Variants in DLG2 observed in about 807,000 individuals in gnomAD.
DLG2 encodes the protein disks large homolog 2.
DLG2 carries 45 observed loss-of-function variants against 132.5 expected under a neutral mutation model. The ratio of observed to expected loss-of-function variants is 0.34; its 90% CI spans 0.27 to 0.44. The LOEUF is 0.44. DLG2 is among the 20% of genes least tolerant of loss of function. DLG2 has a pLI of 1.00. For synonymous variants in DLG2, 424 were observed against 419.6 expected (o/e 1.01, Z -0.13); for missense variants, 1,045 against 1,196.9 (o/e 0.87, Z 1.87).
At chr11:83,669,806 A>G (rs2076531400) in intron 18 of DLG2, among the ~76,000 whole-genome samples, 1 of 152,232 alleles carries the variant, frequency 6.6e-6, no homozygotes, top group African/African-American at 2.4e-5. Context: ...CTAAACATAA[A>G]GTAAGCACTA....
In DLG2 at chr11:84,696,992, A is replaced by G. The variant is rs554806974; in HGVS notation, c.358-162261T>C. 2.0e-5 allele frequency among the ~76,000 whole-genome samples: 3 copies of G among 151,536 alleles called. No individual in the cohort carries two copies. In the South Asian group the frequency reaches 6.2e-4, roughly 31 times the overall value. The stretch of plus-strand genomic sequence containing the variant: ...ATATTAAAGAGATTGACTCAGGAGA[A>G]CTAGGTACCTCAGTAGACTTTGGGG... On this transcript the variant is annotated intron_variant, in intron 6 of 27. Coordinates refer to ENST00000376104, the MANE Select transcript of DLG2 (RefSeq NM_001142699.3).
intron 6 of DLG2, among the ~76,000 whole-genome samples, chr11:84,776,499 A>C (rs1347624069): frequency 6.6e-6 from 1 of 152,146 alleles, no homozygotes; most frequent in African/African-American, 2.4e-5. Flanking sequence ...TCACTGCTAC[A>C]GGCAATCGAG....
intron 3 of DLG2, among the ~76,000 whole-genome samples, chr11:85,483,756 C>T (rs551176549): frequency 1.3e-5 from 2 of 151,820 alleles, no homozygotes; most frequent in Non-Finnish European, 2.9e-5. Flanking sequence ...CCAGCCTGGC[C>T]AACATGGTGA....
At chr11:85,132,627 G>T (rs1275257461) in intron 5 of DLG2, 1 of 400,062 alleles carries the variant, frequency 2.5e-6, no homozygotes, top group Non-Finnish European at 5.2e-6. Context: ...GACCCTCAGG[G>T]AACAAAATGC....
At chr11:84,678,926 A>C (rs916983181) in intron 6 of DLG2, among the ~76,000 whole-genome samples, 1 of 152,028 alleles carries the variant, frequency 6.6e-6, no homozygotes, top group Non-Finnish European at 1.5e-5. Flanking sequence ...AGTGTTAAAC[A>C]AGATAATGTA....
At chr11:84,899,514 A>AAC (rs1324932310) in intron 6 of DLG2, among the ~76,000 whole-genome samples, 3 of 152,054 alleles carry the variant, frequency 2.0e-5, no homozygotes, top group Non-Finnish European at 4.4e-5. Context: ...AAAAACACGT[A>AAC]ACATTTTTCT....
intron 19 of DLG2, chr11:83,631,927 C>T (rs2063633652): frequency 6.6e-6 from 1 of 152,156 alleles, no homozygotes; most frequent in Non-Finnish European, 1.5e-5. Flanking sequence ...ACAAATGGAG[C>T]TTGTTAACTT....
chr11:85,507,713 T>G (rs1003580638), intron 3 of DLG2, among the ~76,000 whole-genome samples: 1 of 152,136 alleles, frequency 6.6e-6, no homozygotes, highest in African/African-American at 2.4e-5. Flanking sequence ...AGGAGTATCT[T>G]TGTGGTGTTC....
At chr11:84,982,191 A>G (rs1483520411) in intron 6 of DLG2, among the ~76,000 whole-genome samples, 1 of 149,252 alleles carries the variant, frequency 6.7e-6, no homozygotes, top group African/African-American at 2.5e-5. Flanking sequence ...TCATAAATCT[A>G]TATAATTCTA....
At chr11:85,611,258 G>T (rs1282652116) in intron 2 of DLG2, among the ~76,000 whole-genome samples, 3 of 152,188 alleles carry the variant, frequency 2.0e-5, no homozygotes, top group Non-Finnish European at 4.4e-5. Context: ...ACAAGGAAAA[G>T]ATCTCACTGT....
chr11:84,461,803 C>T (rs992898934), intron 7 of DLG2, among the ~76,000 whole-genome samples: 5 of 150,388 alleles, frequency 3.3e-5, no homozygotes, highest in African/African-American at 4.9e-5. Context: ...AGTTTTTTTC[C>T]TGTGGTAGAT....
At chr11:85,476,422 ATTTAT>A (rs1444123543) in intron 3 of DLG2, among the ~76,000 whole-genome samples, 2 of 152,096 alleles carry the variant, frequency 1.3e-5, no homozygotes, top group Non-Finnish European at 2.9e-5. Flanking sequence ...GCTACATTAA[ATTTAT>A]TTTATTTTAC....
At chr11:85,511,367 TATA>T (rs2094064663) in intron 3 of DLG2, among the ~76,000 whole-genome samples, 1 of 151,836 alleles carries the variant, frequency 6.6e-6, no homozygotes, top group Non-Finnish European at 1.5e-5. Context: ...AAACTTAAAG[TATA>T]ATAATAATAA....
chr11:84,828,586 T>G (rs1482222163), intron 6 of DLG2, among the ~76,000 whole-genome samples: 1 of 151,830 alleles, frequency 6.6e-6, no homozygotes, highest in Non-Finnish European at 1.5e-5. Context: ...ACTCATCTCC[T>G]GTCATTGATC....
Position 83,736,267 on chromosome 11 carries a change from T to A in DLG2, c.1825+50423A>T, listed in dbSNP as rs143161700. Among the ~76,000 whole-genome samples the A allele has an allele frequency of 1.6e-3, 250 of 152,260 alleles. 1 individual carries two copies. Among genetic ancestry groups the A allele is most frequent in the African/African-American group, 6.0e-3 (248 of 41,556 alleles). On this transcript the variant is annotated intron_variant, in intron 18 of 27. Coordinates refer to ENST00000376104, the MANE Select transcript of DLG2 (RefSeq NM_001142699.3). ...GATTGGTCATGTGTCCCTGAGCAGATTAGATTACTTAGCTTCTCTGTCTCT... is the reference window on the plus strand; with the variant it reads ...GATTGGTCATGTGTCCCTGAGCAGAATAGATTACTTAGCTTCTCTGTCTCT...
intron 9 of DLG2, among the ~76,000 whole-genome samples, chr11:84,158,493 T>C (rs987610213): frequency 2.0e-5 from 3 of 152,204 alleles, no homozygotes; most frequent in Non-Finnish European, 4.4e-5. Flanking sequence ...GATTCTAATA[T>C]CTGTTGGACA....
chr11:83,674,002 A>G (rs2077274770), intron 18 of DLG2, among the ~76,000 whole-genome samples: 1 of 152,220 alleles, frequency 6.6e-6, no homozygotes, highest in Admixed American at 6.5e-5. Flanking sequence ...GGCTGCCTTA[A>G]ACATCTTAAT....
At chr11:84,420,811 G>C (rs1176659119) in intron 7 of DLG2, among the ~76,000 whole-genome samples, 1 of 151,638 alleles carries the variant, frequency 6.6e-6, no homozygotes. Context: ...TGGGACTACA[G>C]GCGTGCGCCA....
At chr11:85,299,201 G>A (rs495905) in intron 3 of DLG2, among the ~76,000 whole-genome samples, 121,250 of 152,036 alleles carry the variant, frequency 0.8, 48,856 homozygotes, top group Middle Eastern at 0.88. Flanking sequence ...ATCCCTTTAC[G>A]AAGGAAGAAA....
Sources: gnomAD v4.1 joint callset for allele counts (sites outside exome capture counted in the v4.1 genomes callset) on GRCh38, gnomAD v4.1.1 for gene constraint, MANE v1.5 for transcripts, NCBI Gene and HGNC (gene_info 2026-07-23, HGNC 2026-07-21) for gene names.